LRMDA: variants seen among roughly 807,000 people sequenced by gnomAD.
LRMDA encodes leucine-rich melanocyte differentiation-associated protein.
A neutral mutation model predicts 29.8 loss-of-function variants in LRMDA; 18 were observed. The observed-to-expected ratio is 0.60, with a 90% CI of 0.42 to 0.90. LRMDA has a LOEUF of 0.90. Among genes scored for constraint, LRMDA ranks in the 40% least tolerant of loss-of-function variants. LRMDA has a pLI of 0.00. For missense variants in LRMDA, 273 were observed against 273.9 expected (o/e 1.00, Z 0.02); for synonymous variants, 125 against 109.4 (o/e 1.14, Z -0.89).
intron 2 of LRMDA, among the ~76,000 whole-genome samples, chr10:76,014,173 TG>T: frequency 6.9e-6 from 1 of 144,304 alleles, no homozygotes; most frequent in Non-Finnish European, 1.5e-5. Context: ...TATATATATA[TG>T]GTAACATTGT....
chr10:76,409,508 C>T (rs1360190332), intron 6 of LRMDA, among the ~76,000 whole-genome samples: 1 of 152,048 alleles, frequency 6.6e-6, no homozygotes, highest in Non-Finnish European at 1.5e-5. Flanking sequence ...AAAAAAACTA[C>T]CCATAATTCT....
chr10:76,426,263 G>A (rs187389356), intron 6 of LRMDA, among the ~76,000 whole-genome samples: 4 of 152,292 alleles, frequency 2.6e-5, no homozygotes, highest in African/African-American at 9.6e-5. Context: ...TCCAGCACCT[G>A]TTGTTTCCTG....
At chr10:75,553,824 C>T (rs1442168620) in intron 2 of LRMDA, among the ~76,000 whole-genome samples, 1 of 151,966 alleles carries the variant, frequency 6.6e-6, no homozygotes, top group Non-Finnish European at 1.5e-5. Context: ...GTGTAGGGGG[C>T]TCTCTTTTAT....
At chr10:76,429,066 C>A (rs534414783) in intron 6 of LRMDA, among the ~76,000 whole-genome samples, 36 of 140,590 alleles carry the variant, frequency 2.6e-4, no homozygotes, top group African/African-American at 9.2e-4. Context: ...ACATTCCCCA[C>A]ACTGGCATGC....
intron 6 of LRMDA, among the ~76,000 whole-genome samples, chr10:76,385,917 G>T (rs1841653928): frequency 6.6e-6 from 1 of 152,054 alleles, no homozygotes; most frequent in African/African-American, 2.4e-5. Context: ...ATAAATATTT[G>T]CTGCTAATGA....
chr10:75,860,731 A>C (rs1445839776), intron 2 of LRMDA, among the ~76,000 whole-genome samples: 1 of 152,164 alleles, frequency 6.6e-6, no homozygotes, highest in African/African-American at 2.4e-5. Context: ...CATGTGAGTC[A>C]AAGTGATGGT....
intron 2 of LRMDA, among the ~76,000 whole-genome samples, chr10:75,928,289 T>TA (rs1846153947): frequency 6.7e-6 from 1 of 149,598 alleles, no homozygotes; most frequent in South Asian, 2.1e-4. Flanking sequence ...AGTTTTGGGT[T>TA]TTTTTTTTTA....
chr10:76,503,631 G>T, intron 6 of LRMDA, among the ~76,000 whole-genome samples: 1 of 151,538 alleles, frequency 6.6e-6, no homozygotes, highest in Non-Finnish European at 1.5e-5. Context: ...GTTCATAATA[G>T]TCTCTGAGGA....
chr10:75,539,664 A>G (rs1466572749), intron 2 of LRMDA, among the ~76,000 whole-genome samples: 1 of 152,246 alleles, frequency 6.6e-6, no homozygotes, highest in Non-Finnish European at 1.5e-5. Context: ...GGTGATTTGT[A>G]GGAAGCCTGG....
At chr10:75,543,832 A>G (rs766504058) in intron 2 of LRMDA, among the ~76,000 whole-genome samples, 1 of 152,012 alleles carries the variant, frequency 6.6e-6, no homozygotes, top group African/African-American at 2.4e-5. Flanking sequence ...AATTTTGTCT[A>G]TGAAACATGA....
chr10:76,554,802 A>G lies in LRMDA; in HGVS notation c.602-2407A>G, dbSNP rs370179109. Among the ~76,000 whole-genome samples the G allele has an allele frequency of 7.5e-4, 7 of 9,272 alleles. No homozygotes were observed. In the Admixed American group the frequency reaches 0.017, roughly 22 times the overall value. 6.1% of individuals were successfully genotyped at this position (9,272 alleles called of 152,430 possible). ...GAAGTTTACCCTGGAGAAAGGGAAG[A>G]AAAAAAAAGCAGTTGAATCCGTGAA... On this transcript the variant is annotated intron_variant, in intron 6 of 6. Transcript: ENST00000611255.
chr10:76,373,241 G>T (rs1391333126), intron 6 of LRMDA, among the ~76,000 whole-genome samples: 1 of 152,036 alleles, frequency 6.6e-6, no homozygotes, highest in Non-Finnish European at 1.5e-5. Context: ...AAATAAAAAA[G>T]CTTAATTCCT....
At chr10:76,140,940 G>A (rs980786605) in intron 5 of LRMDA, among the ~76,000 whole-genome samples, 2 of 151,914 alleles carry the variant, frequency 1.3e-5, no homozygotes, top group Non-Finnish European at 2.9e-5. Context: ...TATTCTTTGA[G>A]TCCAACCAAC....
intron 2 of LRMDA, among the ~76,000 whole-genome samples, chr10:75,709,472 C>T (rs7898903): frequency 0.11 from 16,886 of 151,120 alleles, 983 homozygotes; most frequent in Middle Eastern, 0.18. Context: ...GTGTGTCTTC[C>T]TCTGCTTATA....
At chr10:75,637,358 G>A (rs1448148924) in intron 2 of LRMDA, among the ~76,000 whole-genome samples, 2 of 152,176 alleles carry the variant, frequency 1.3e-5, no homozygotes, top group Non-Finnish European at 2.9e-5. Context: ...TTATTTGGGA[G>A]CTATTGACAG....
intron 6 of LRMDA, among the ~76,000 whole-genome samples, chr10:76,449,019 A>T (rs939049493): frequency 8.6e-5 from 13 of 151,932 alleles, no homozygotes; most frequent in Non-Finnish European, 1.5e-4. Flanking sequence ...CTGACATTAT[A>T]ATTTTATTAA....
chr10:76,199,810 G>A (rs1851394960), intron 5 of LRMDA, among the ~76,000 whole-genome samples: 1 of 152,152 alleles, frequency 6.6e-6, no homozygotes, highest in Non-Finnish European at 1.5e-5. Flanking sequence ...TTGTGCATTA[G>A]CCCTACCCTG....
intron 2 of LRMDA, among the ~76,000 whole-genome samples, chr10:75,662,206 T>A (rs1204034933): frequency 3.9e-5 from 6 of 152,104 alleles, no homozygotes; most frequent in African/African-American, 1.4e-4. Flanking sequence ...AGTTGTATGG[T>A]GGTAATACAC....
intron 2 of LRMDA, among the ~76,000 whole-genome samples, chr10:75,541,760 G>C (rs2132049115): frequency 6.6e-6 from 1 of 152,080 alleles, no homozygotes; most frequent in Admixed American, 6.6e-5. Context: ...GTGTCAAATT[G>C]GTAGCAAAAC....
Sources: allele counts gnomAD v4.1 joint callset (sites outside exome capture counted in the v4.1 genomes callset), GRCh38; gene constraint gnomAD v4.1.1; transcripts MANE v1.5; gene names NCBI Gene and HGNC (gene_info 2026-07-23, HGNC 2026-07-21).